PKM: variants seen among roughly 807,000 people sequenced by gnomAD.
PKM encodes the protein pyruvate kinase PKM.
In PKM, 18 loss-of-function variants were observed where a neutral mutation model predicts 49.8. The ratio of observed to expected loss-of-function variants is 0.36; its 90% CI spans 0.25 to 0.54. The LOEUF (loss-of-function observed/expected upper bound fraction) is 0.54, where lower values mean the gene tolerates loss of function less well. Among genes scored for constraint, PKM ranks in the 20% least tolerant of loss-of-function variants. The probability of loss-of-function intolerance (pLI) is 0.89; values close to 1 mark genes in which losing one functional copy is unlikely to be tolerated. For missense variants in PKM, 508 were observed against 713.8 expected, an observed-to-expected ratio of 0.71 and a Z score of 3.28; for synonymous variants, 239 against 261.8, an observed-to-expected ratio of 0.91 and a Z score of 0.84.
chr15:72,207,033 C>T, intron 7 of PKM, 94 bp downstream of exon 7: 7 of 1,536,504 alleles, frequency 4.6e-6, no homozygotes, highest in Middle Eastern at 1.8e-4. Context: ...TTACGTGCGA[C>T]AATTCCATGG....
intron 1 of PKM, chr15:72,228,545 T>A (rs1389347465): frequency 1.2e-6 from 1 of 855,990 alleles, no homozygotes; most frequent in Non-Finnish European, 1.7e-6. Context: ...TTTTTAAGCC[T>A]GCAAGAACCA....
intron 1 of PKM, among the ~76,000 whole-genome samples, chr15:72,227,835 G>A (rs2082723520): frequency 6.9e-6 from 1 of 144,920 alleles, no homozygotes; most frequent in South Asian, 2.2e-4. Flanking sequence ...TGTAAGTGCT[G>A]CATTTTCTTC....
chr15:72,212,962 C>A lies in PKM; in HGVS notation c.247-2484G>T, dbSNP rs2082292455. On this transcript the variant is annotated intron_variant, in intron 3 of 10. Transcript: ENST00000335181. ...TGGTAGCAGGCGCCTGTAGTCCCAG[C>A]TACTCGGGAGGCTGAGGCAAGAGAA... Among the ~76,000 whole-genome samples, 3 of 152,076 alleles carry A rather than the reference C, an allele frequency of 2.0e-5. 1 individual carries two copies. In the South Asian group the frequency reaches 6.2e-4, roughly 32 times the overall value.
At chr15:72,216,060 G>A (rs79488882) in intron 3 of PKM, among the ~76,000 whole-genome samples, 2,380 of 152,298 alleles carry the variant, frequency 0.016, 39 homozygotes, top group African/African-American at 0.03. Context: ...GGGAATCTAT[G>A]ATGAAGAGTC....
At position 72,208,722 on chromosome 15, in the gene PKM, G is replaced by A. The variant is rs2082152159; in HGVS notation, c.735C>T (p.Ile245=). The stretch of plus-strand genomic sequence containing the variant: ...CTTCATGGACATCAGATGCCTTGCG[G>A]ATGAATGACGCAAACACCATATCAA... ...QDVDMVFASF[I]RKASDVHEVR... The change falls in exon 6 of 11, where the codon ATC becomes ATT. Residue 245 remains isoleucine (I), a synonymous_variant. Transcript: ENST00000335181. The A allele has an allele frequency of 6.2e-7, 1 of 1,613,984 alleles. No homozygotes were observed. Among genetic ancestry groups the A allele is most frequent in the Non-Finnish European group, 8.5e-7 (1 of 1,179,988 alleles).
At chr15:72,209,491 A>C in intron 5 of PKM, 182 bp downstream of exon 5, 2 of 509,322 alleles carry the variant, frequency 3.9e-6, no homozygotes, top group Non-Finnish European at 7.2e-6. Flanking sequence ...CAGAACCAGA[A>C]GAATGTAACT....
In PKM at chr15:72,218,943, C is replaced by T. The variant is rs1417016873; in HGVS notation, c.154+1G>A. On this transcript the variant is annotated splice_donor_variant, in intron 2 of 10. Coordinates refer to ENST00000335181, the MANE Select transcript of PKM (RefSeq NM_002654.6). LOFTEE classifies it high-confidence loss of function. ...TTGGGGGAAGGGGCACACCCACTCA[C>T]CAATGGTACAGATGATGCCAGTGTT... 1 of 1,614,132 alleles carries T rather than the reference C, an allele frequency of 6.2e-7. No homozygotes were observed. The highest frequency in any genetic ancestry group is 1.1e-5 in the South Asian group (1 of 91,082).
intron 3 of PKM, among the ~76,000 whole-genome samples, chr15:72,214,008 T>G (rs143501070): frequency 6.6e-6 from 1 of 152,258 alleles, no homozygotes; most frequent in Non-Finnish European, 1.5e-5. Flanking sequence ...TCTGTCAAAT[T>G]TATTTTCATT....
At chr15:72,209,527 G>A (rs2082188613) in intron 5 of PKM, 146 bp downstream of exon 5, 4 of 725,504 alleles carry the variant, frequency 5.5e-6, no homozygotes, top group South Asian at 1.4e-5. Flanking sequence ...CTATCTTTGA[G>A]GATAAATGAG....
At chr15:72,221,465 T>C (rs1453959754) in intron 1 of PKM, among the ~76,000 whole-genome samples, 1 of 152,218 alleles carries the variant, frequency 6.6e-6, no homozygotes, top group South Asian at 2.1e-4. Context: ...CCCTCCCCTT[T>C]TGGGAGCGGG....
At chr15:72,206,245 C>T (rs1423116165) in intron 8 of PKM, 5 of 176,368 alleles carry the variant, frequency 2.8e-5, no homozygotes, top group Admixed American at 1.6e-4. Context: ...GGGCCCCCTG[C>T]GGGAGCGCCT....
intron 8 of PKM, chr15:72,203,260 G>T: frequency 7.6e-7 from 1 of 1,324,330 alleles, no homozygotes; most frequent in Non-Finnish European, 1.1e-6. Context: ...CAACACATGG[G>T]AAGACAGAAT....
chr15:72,204,901 C>A (rs1022485645), intron 8 of PKM, among the ~76,000 whole-genome samples: 2 of 152,124 alleles, frequency 1.3e-5, no homozygotes, highest in Non-Finnish European at 2.9e-5. Flanking sequence ...TGTGGAGAGA[C>A]CCAGAAAGGC....
In PKM at chr15:72,200,941, T is replaced by C; in HGVS notation, c.1308-286A>G. 1 of 387,378 alleles carries C rather than the reference T, an allele frequency of 2.6e-6. No individual in the cohort carries two copies. Among genetic ancestry groups the C allele is most frequent in the Non-Finnish European group, 4.8e-6 (1 of 209,698 alleles). 24.0% of individuals were successfully genotyped at this position (387,378 alleles called of 1,614,324 possible). A position where few individuals can be genotyped will look rare whatever the true frequency, so the allele number is the denominator to read the frequency against. ...TCACCCACTTACCCCACACAGCCCA[T>C]GGTTGGCAGAACCCCTCCTACACCC... On this transcript the variant is annotated intron_variant, in intron 9 of 10. Coordinates refer to ENST00000335181, the MANE Select transcript of PKM (RefSeq NM_002654.6). This position sits in a 1 kb window ranked among gnomAD's most constrained non-coding sequence, Gnocchi z 4.6.
At position 72,206,827 on chromosome 15, in the gene PKM, A is replaced by G. The variant is rs1229633455; in HGVS notation, c.1041T>C (p.Asp347=). Residue 347 remains aspartate, a synonymous_variant, in exon 8 of 11, where the codon GAT becomes GAC. Coordinates refer to ENST00000335181, the MANE Select transcript of PKM (RefSeq NM_002654.6). ...KPRPTRAEGS[D]VANAVLDGAD... ...CTCCATCCAGGACTGCATTGGCCAC[A>G]TCACTGCCTTCAGCCCGAGTGGGGC... is the stretch of plus-strand genomic sequence containing the variant. 1.9e-6 allele frequency: 3 copies of G among 1,614,046 alleles called. No individual in the cohort carries two copies. The highest frequency in any genetic ancestry group is 1.3e-5 in the African/African-American group (1 of 74,926).
intron 1 of PKM, among the ~76,000 whole-genome samples, chr15:72,223,011 CTT>C (rs1157298455): frequency 6.9e-6 from 1 of 143,904 alleles, no homozygotes; most frequent in East Asian, 2.0e-4. Flanking sequence ...CTCCCTCCAA[CTT>C]TTTTTTTTTC....
intron 1 of PKM, chr15:72,230,763 C>A: frequency 2.7e-6 from 1 of 372,916 alleles, no homozygotes; most frequent in South Asian, 2.1e-5. Context: ...AAAGGGGAAG[C>A]AAGGGTGGAA....
rs1567102215 is a variant in PKM, at chr15:72,202,521, C to A, written c.1240G>T (p.Val414Leu). ...TTGAAGGAGGCCTCCACGGCACCCACGGCGGTGGCTTCTGTGGGGTCGCTG... is the reference window on the plus strand; with the variant it reads ...TTGAAGGAGGCCTCCACGGCACCCAAGGCGGTGGCTTCTGTGGGGTCGCTG... ...ITSDPTEATA[V>L]GAVEASFKCC... is the part of the protein sequence containing the mutation. Residue 414 changes from valine to leucine, a missense_variant, in exon 9 of 11, where the codon GTG becomes TTG. Coordinates refer to ENST00000335181, the MANE Select transcript of PKM (RefSeq NM_002654.6). This position sits in a 1 kb window ranked among gnomAD's most constrained non-coding sequence, Gnocchi z 4.5. 1 of 1,613,638 alleles carries A rather than the reference C, an allele frequency of 6.2e-7. No individual in the cohort carries two copies. Among genetic ancestry groups the A allele is most frequent in the Non-Finnish European group, 8.5e-7 (1 of 1,179,900 alleles).
At chr15:72,209,466 T>G in intron 5 of PKM, 1 of 319,748 alleles carries the variant, frequency 3.1e-6, no homozygotes, top group Non-Finnish European at 5.8e-6. Context: ...TATGTATGTA[T>G]GTTCCTGTGT....
Sources: allele counts gnomAD v4.1 joint callset (sites outside exome capture counted in the v4.1 genomes callset), GRCh38; gene constraint gnomAD v4.1.1; non-coding constraint Gnocchi (gnomAD v3.1); transcripts MANE v1.5; gene names NCBI Gene and HGNC (gene_info 2026-07-23, HGNC 2026-07-21).